The following SIGLEC12 variants were observed in gnomAD, a reference collection of about 807,000 sequenced individuals.
SIGLEC12 encodes sialic acid binding Ig like lectin 12.
A neutral mutation model predicts 54.1 loss-of-function variants in SIGLEC12; 43 were observed. The ratio of observed to expected loss-of-function variants is 0.80; its 90% CI spans 0.62 to 1.03. The LOEUF is 1.03. Among genes scored for constraint, SIGLEC12 ranks in the 50% least tolerant of loss-of-function variants. The pLI, the probability that SIGLEC12 is intolerant of heterozygous loss-of-function variation, is 0.00. For missense variants in SIGLEC12, 802 were observed against 735.2 expected (o/e 1.09, Z -1.05); for synonymous variants, 357 against 307.6 (o/e 1.16, Z -1.68).
rs551538506 is a variant in SIGLEC12, at chr19:51,495,313, G to A, written c.1599+1567C>T. ...GATGGATGGACGGACGGACGGGTGG[G>A]TGGATGGATGGATGGATGGATGGAT... On this transcript the variant is annotated intron_variant, in intron 7 of 7. Transcript: ENST00000291707. Among the ~76,000 whole-genome samples, 160 of 60,406 alleles carry A rather than the reference G, an allele frequency of 2.6e-3. 6 individuals are homozygous for A. The highest frequency in any genetic ancestry group is 4.1e-3 in the Non-Finnish European group (117 of 28,310). The allele number at this position is 60,406 out of a possible 152,430, so 39.6% of individuals were successfully genotyped here.
Position 51,495,250 on chromosome 19 carries a change from CGGGTGGGTGGGT to C in SIGLEC12, c.1599+1618_1599+1629del, listed in dbSNP as rs1285489188. Among the ~76,000 whole-genome samples, 51 of 40,396 alleles carry C rather than the reference CGGGTGGGTGGGT, an allele frequency of 1.3e-3. 2 individuals are homozygous for C. The highest frequency in any genetic ancestry group is 2.6e-3 in the Admixed American group (9 of 3,414). 26.5% of individuals were successfully genotyped at this position (40,396 alleles called of 152,430 possible). A position where few individuals can be genotyped will look rare whatever the true frequency, so the allele number is the denominator to read the frequency against. On this transcript the variant is annotated intron_variant, in intron 7 of 7. Coordinates refer to ENST00000291707, the MANE Select transcript of SIGLEC12 (RefSeq NM_053003.4). ...ATGGATGGATGGATGGATGGATGGA[CGGGTGGGTGGGT>C]GGATGGATGGATGGATGGATGGATG...
Position 51,501,398 on chromosome 19 carries a change from TC to T in SIGLEC12, c.335del (p.Arg112LysfsTer12), listed in dbSNP as rs764208537. On this transcript the variant is annotated frameshift_variant, in exon 1 of 8. Coordinates refer to ENST00000291707, the MANE Select transcript of SIGLEC12 (RefSeq NM_053003.4). LOFTEE classifies it high-confidence loss of function. The part of the protein sequence containing the change: ...KDCTLSIRDT[R>X]ESDAGTYVFC... The stretch of plus-strand genomic sequence containing the variant: ...AGACGTATGTCCCTGCATCACTCTC[TC>T]TGGTGTCTCTGATGCTCAGGGTACA... 6.2e-7 allele frequency: 1 copy of T among 1,614,212 alleles called. No homozygotes were observed. Among genetic ancestry groups the T allele is most frequent in the Non-Finnish European group, 8.5e-7 (1 of 1,180,022 alleles).
In SIGLEC12 at chr19:51,499,991, T is replaced by C. The variant is rs199512111; in HGVS notation, c.737A>G (p.Tyr246Cys). 5.6e-6 allele frequency: 9 copies of C among 1,614,184 alleles called. No homozygotes were observed. In the Admixed American group the frequency reaches 1.5e-4, roughly 27 times the overall value. ...GCTTCCTCTCTCCACCTGGAAGTAG[T>C]ACTTCCCTGAATCCCCCTTCCTGGC... ...RDARKGDSGK[Y>C]YFQVERGSRK... The change falls in exon 2 of 8, where the codon TAC becomes TGC. Residue 246 changes from tyrosine (Y) to cysteine (C), a missense_variant. By Grantham distance (194) the Tyr-to-Cys change is radical. Coordinates refer to ENST00000291707, the MANE Select transcript of SIGLEC12 (RefSeq NM_053003.4).
chr19:51,494,767 T>G (rs1189387527), intron 7 of SIGLEC12, among the ~76,000 whole-genome samples: 1 of 152,146 alleles, frequency 6.6e-6, no homozygotes, highest in Non-Finnish European at 1.5e-5. Context: ...ATACACACAA[T>G]GCAATATTAA....
chr19:51,496,972 T>A lies in SIGLEC12; in HGVS notation c.1507A>T (p.Arg503Trp). The A allele has an allele frequency of 6.2e-7, 1 of 1,613,136 alleles. No homozygotes were observed. The highest frequency in any genetic ancestry group is 8.5e-7 in the Non-Finnish European group (1 of 1,179,966). ...CTTGCCGATTTCTTCCTGCAGGACC[T>A]CACTCTGAGTGAAGAGACCAGAGAG... ...LYFCIIFVVV[R>W]SCRKKSARPA... Residue 503 changes from arginine to tryptophan, a missense_variant, in exon 7 of 8, where the codon AGG (arginine) becomes TGG (tryptophan). Transcript: ENST00000291707.
intron 4 of SIGLEC12, 138 bp downstream of exon 4, chr19:51,499,031 TG>T: frequency 1.3e-6 from 1 of 761,556 alleles, no homozygotes; most frequent in Non-Finnish European, 2.2e-6. Context: ...GGTGCTCAGG[TG>T]GCCAAAAGGC....
At chr19:51,497,107 C>T in intron 6 of SIGLEC12, 131 bp from the exon 7 acceptor site, 1 of 1,426,374 alleles carries the variant, frequency 7.0e-7, no homozygotes, top group Non-Finnish European at 9.7e-7. Context: ...GGTCCCATTC[C>T]AGAGACCCCA....
intron 1 of SIGLEC12, among the ~76,000 whole-genome samples, chr19:51,501,066 G>A (rs901510251): frequency 2.4e-4 from 37 of 152,204 alleles, no homozygotes; most frequent in Admixed American, 1.2e-3. Context: ...ACATGCCACA[G>A]TGCCAGCGTC....
rs774688289 is a variant in SIGLEC12 at position 51,500,180 on chromosome 19, G to C, written c.548C>G (p.Ser183Cys). ...GAACCAGGATCCATAAACAGGGCTA[G>C]AGGCAGTCCAGTTGTAATGGGGGTA... Reference protein sequence around the residue: ...VLYPHYNWTASSPVYGSWFKE... With the variant: ...VLYPHYNWTACSPVYGSWFKE... The change falls in exon 2 of 8, where the codon TCT (serine) becomes TGT (cysteine). Residue 183 changes from serine (S) to cysteine (C), a missense_variant. Ser to Cys is a moderately radical substitution (Grantham distance 112). Coordinates refer to ENST00000291707, the MANE Select transcript of SIGLEC12 (RefSeq NM_053003.4). The C allele has an allele frequency of 6.8e-6, 11 of 1,614,022 alleles. No homozygotes were observed. The African/African-American group carries it at 1.3e-4, about 20-fold the overall frequency.
chr19:51,494,795 G>A (rs1490889142), intron 7 of SIGLEC12, among the ~76,000 whole-genome samples: 1 of 152,078 alleles, frequency 6.6e-6, no homozygotes, highest in Non-Finnish European at 1.5e-5. Context: ...TTAAAAAGAA[G>A]GAAATCTTGT....
chr19:51,498,512 T>G (rs1410490669), intron 4 of SIGLEC12, among the ~76,000 whole-genome samples: 4 of 152,252 alleles, frequency 2.6e-5, no homozygotes, highest in Non-Finnish European at 5.9e-5. Flanking sequence ...CTGCTATATT[T>G]TGCTTTTAGG....
At chr19:51,493,264 C>G (rs925064772) in intron 7 of SIGLEC12, among the ~76,000 whole-genome samples, 8 of 152,196 alleles carry the variant, frequency 5.3e-5, no homozygotes, top group Non-Finnish European at 1.0e-4. Flanking sequence ...TACAGGACAT[C>G]GTGCTTTCTG....
rs1291747302 is a variant in SIGLEC12 at position 51,491,777 on chromosome 19, G to A, written c.1652C>T (p.Pro551Leu). Residue 551 changes from proline to leucine, a missense_variant, in exon 8 of 8, where the codon CCA (proline) becomes CTA (leucine). Pro to Leu is a moderately conservative substitution (Grantham distance 98, BLOSUM62 -3). Coordinates refer to ENST00000291707, the MANE Select transcript of SIGLEC12 (RefSeq NM_053003.4). Reference protein sequence around the residue: ...ADDSPPHHAPPALATPSPEEG... With the variant: ...ADDSPPHHAPLALATPSPEEG... ...CTCTGGGGAGGGGGTGGCCAGGGCT[G>A]GCGGAGCATGGTGTGGGGGGCTGTC... The A allele has an allele frequency of 2.1e-5, 34 of 1,607,124 alleles. No homozygotes were observed. Among genetic ancestry groups the A allele is most frequent in the Non-Finnish European group, 2.8e-5 (33 of 1,176,448 alleles).
chr19:51,500,677 G>A (rs895002659), intron 1 of SIGLEC12, among the ~76,000 whole-genome samples: 6 of 151,912 alleles, frequency 3.9e-5, no homozygotes, highest in East Asian at 3.9e-4. Flanking sequence ...CTGCCCTCCC[G>A]GCCTCTGGAC....
At position 51,491,790 on chromosome 19, in the gene SIGLEC12, G is replaced by GT. The variant is rs765371330; in HGVS notation, c.1638dup (p.His547ThrfsTer41). The GT allele has an allele frequency of 1.9e-6, 3 of 1,598,534 alleles. No individual in the cohort carries two copies. Among genetic ancestry groups the GT allele is most frequent in the African/African-American group, 1.3e-5 (1 of 74,432 alleles). On this transcript the variant is annotated frameshift_variant, in exon 8 of 8. Coordinates refer to ENST00000291707, the MANE Select transcript of SIGLEC12 (RefSeq NM_053003.4). LOFTEE classifies it low-confidence loss of function (END_TRUNC). ...GTGGCCAGGGCTGGCGGAGCATGGT[G>GT]TGGGGGGCTGTCATCTGCCGGGGAT...
chr19:51,495,718 T>C (rs1297504093), intron 7 of SIGLEC12, among the ~76,000 whole-genome samples: 1 of 152,232 alleles, frequency 6.6e-6, no homozygotes, highest in Admixed American at 6.5e-5. Context: ...TTAAATGTTT[T>C]CCACAGATGG....
At position 51,496,946 on chromosome 19, in the gene SIGLEC12, C is replaced by T. The variant is rs545739186; in HGVS notation, c.1533G>A (p.Arg511=). ...VVRSCRKKSA[R]PAVGVGDTGM... ...CTGTATCCCCCACGCCCACTGCTGG[C>T]CTTGCCGATTTCTTCCTGCAGGACC... is the stretch of plus-strand genomic sequence containing the variant. The change falls in exon 7 of 8, where the codon AGG becomes AGA. Residue 511 remains arginine (R), a synonymous_variant. Coordinates refer to ENST00000291707, the MANE Select transcript of SIGLEC12 (RefSeq NM_053003.4). The T allele has an allele frequency of 8.1e-6, 13 of 1,613,454 alleles. No homozygotes were observed. The highest frequency in any genetic ancestry group is 1.1e-5 in the Non-Finnish European group (13 of 1,180,032).
intron 7 of SIGLEC12, 93 bp from the exon 8 acceptor site, chr19:51,491,922 C>A (rs917155799): frequency 4.3e-6 from 4 of 940,624 alleles, no homozygotes; most frequent in Non-Finnish European, 6.1e-6. Flanking sequence ...GTTCCTTCCT[C>A]CATTCATCCC....
rs1169239891 is a variant in SIGLEC12 at position 51,495,421 on chromosome 19, A to ATGGATGGATGGG, written c.1599+1458_1599+1459insCCCATCCATCCA. Among the ~76,000 whole-genome samples the ATGGATGGATGGG allele has an allele frequency of 4.6e-3, 537 of 117,114 alleles. 3 individuals are homozygous for ATGGATGGATGGG. Among genetic ancestry groups the ATGGATGGATGGG allele is most frequent in the Non-Finnish European group, 7.2e-3 (371 of 51,776 alleles). 76.8% of individuals were successfully genotyped at this position (117,114 alleles called of 152,430 possible). A position where few individuals can be genotyped will look rare whatever the true frequency, so the allele number is the denominator to read the frequency against. On this transcript the variant is annotated intron_variant, in intron 7 of 7. Coordinates refer to ENST00000291707, the MANE Select transcript of SIGLEC12 (RefSeq NM_053003.4). ...GATGGGTGGGTGGGTGGGTGGATGG[A>ATGGATGGATGGG]TGGATGGATGGATGGATGGATGGAC...
Sources: gnomAD v4.1 joint callset for allele counts (sites outside exome capture counted in the v4.1 genomes callset) on GRCh38, gnomAD v4.1.1 for gene constraint, MANE v1.5 for transcripts, NCBI Gene and HGNC (gene_info 2026-07-23, HGNC 2026-07-21) for gene names.